Variants in MRPL39 observed in about 807,000 individuals in gnomAD.
MRPL39 encodes the protein mitochondrial ribosomal protein L39.
Under a neutral mutation model 44.5 loss-of-function variants are expected in MRPL39, and 35 were observed. The ratio of observed to expected loss-of-function variants is 0.79; its 90% CI spans 0.60 to 1.04. The LOEUF (loss-of-function observed/expected upper bound fraction) is 1.04, where lower values mean the gene tolerates loss of function less well. MRPL39 is among the 50% of genes least tolerant of loss of function. The probability of loss-of-function intolerance (pLI) is 0.00; values close to 1 mark genes in which losing one functional copy is unlikely to be tolerated. For synonymous variants in MRPL39, 139 were observed against 136.1 expected (o/e 1.02, Z -0.15); for missense variants, 433 against 413.5 (o/e 1.05, Z -0.41).
intron 8 of MRPL39, among the ~76,000 whole-genome samples, chr21:25,591,094 A>C (rs9977681): frequency 0.73 from 106,446 of 146,192 alleles, 39,864 homozygotes; most frequent in Non-Finnish European, 0.82. Context: ...AAAAAAAAAA[A>C]AAAAAAAAAC....
intron 8 of MRPL39, among the ~76,000 whole-genome samples, chr21:25,591,974 T>C (rs933560856): frequency 6.6e-6 from 1 of 152,204 alleles, no homozygotes; most frequent in African/African-American, 2.4e-5. Flanking sequence ...GTAATACTAC[T>C]TAGCAATAAG....
chr21:25,606,441 C>T lies in MRPL39; in HGVS notation c.280+8G>A. The T allele has an allele frequency of 1.9e-6, 3 of 1,581,462 alleles. No homozygotes were observed. In the South Asian group the frequency reaches 3.5e-5, roughly 18 times the overall value. On this transcript the variant is annotated splice_region_variant and intron_variant, in intron 2 of 9. Transcript: ENST00000352957. ...GGGTCAAAACTGTAACCTGATTCTGCTACTTACGCATGGCACAACTGTAGG... is the reference window on the plus strand; with the variant it reads ...GGGTCAAAACTGTAACCTGATTCTGTTACTTACGCATGGCACAACTGTAGG...
In MRPL39 at chr21:25,601,478, A is replaced by T. The variant is rs373581587; in HGVS notation, c.421-11T>A. 86 of 1,525,932 alleles carry T rather than the reference A, an allele frequency of 5.6e-5. No homozygotes were observed. The highest frequency in any genetic ancestry group is 6.9e-5 in the Non-Finnish European group (77 of 1,120,076). The allele number at this position is 1,525,932 out of a possible 1,614,324, so 94.5% of individuals were successfully genotyped here. A position where few individuals can be genotyped will look rare whatever the true frequency, so the allele number is the denominator to read the frequency against. ...GGAACGCCAATATGCCTAGAAAAAA[A>T]ATATACATATATAAAATATATATAA... On this transcript the variant is annotated splice_polypyrimidine_tract_variant and intron_variant, in intron 3 of 9. Transcript: ENST00000352957.
At chr21:25,594,201 A>G (rs1028341324) in intron 6 of MRPL39, among the ~76,000 whole-genome samples, 1 of 138,254 alleles carries the variant, frequency 7.2e-6, no homozygotes, top group Non-Finnish European at 1.6e-5. Context: ...ACCAATGCTC[A>G]CCTCCACTTC....
intron 2 of MRPL39, among the ~76,000 whole-genome samples, chr21:25,604,493 A>T (rs7278967): frequency 0.7 from 106,641 of 151,990 alleles, 38,865 homozygotes; most frequent in Non-Finnish European, 0.82. Flanking sequence ...ATACACACCT[A>T]CAAAAATCAG....
intron 6 of MRPL39, among the ~76,000 whole-genome samples, chr21:25,594,916 C>T (rs1568862479): frequency 6.6e-6 from 1 of 152,194 alleles, no homozygotes. Flanking sequence ...CACCAACCAC[C>T]CAGGTGTCCA....
At position 25,607,479 on chromosome 21, in the gene MRPL39, A is replaced by C. The variant is rs563745591; in HGVS notation, c.-4T>G. 5 of 1,610,940 alleles carry C rather than the reference A, an allele frequency of 3.1e-6. No individual in the cohort carries two copies. The highest frequency in any genetic ancestry group is 4.2e-6 in the Non-Finnish European group (5 of 1,179,874). ...AACCCATGGCCAGCGCCTCCATAGC[A>C]GCGGTGAGAACCGTCGCGCGCAAGT... On this transcript the variant is annotated 5_prime_UTR_variant, in exon 1 of 10. Transcript: ENST00000352957.
intron 2 of MRPL39, among the ~76,000 whole-genome samples, chr21:25,605,871 CT>C (rs2031649194): frequency 6.6e-6 from 1 of 152,118 alleles, no homozygotes; most frequent in Admixed American, 6.5e-5. Context: ...GGGCCAGACC[CT>C]CATCTCTAAA....
At chr21:25,595,428 C>T (rs1232812999) in intron 6 of MRPL39, among the ~76,000 whole-genome samples, 1 of 152,174 alleles carries the variant, frequency 6.6e-6, no homozygotes, top group Non-Finnish European at 1.5e-5. Flanking sequence ...ATCAAGCTTC[C>T]TCCAGAATTA....
chr21:25,599,363 T>C lies in MRPL39; in HGVS notation c.588+436A>G, dbSNP rs562811416. On this transcript the variant is annotated intron_variant, in intron 5 of 9. Transcript: ENST00000352957. ...CCTCACTGTATGCAACAAGTTAAAA[T>C]GGTTTAGGGGAGTGGTTTTCAAATT... is the stretch of plus-strand genomic sequence containing the variant. 2.6e-5 allele frequency among the ~76,000 whole-genome samples: 4 copies of C among 152,336 alleles called. No individual in the cohort carries two copies. The East Asian group carries it at 7.7e-4, about 29-fold the overall frequency.
At chr21:25,590,413 A>G (rs1436086097) in intron 8 of MRPL39, among the ~76,000 whole-genome samples, 1 of 151,930 alleles carries the variant, frequency 6.6e-6, no homozygotes, top group Non-Finnish European at 1.5e-5. Context: ...AGAAAACCTC[A>G]TAATGTTTTA....
intron 2 of MRPL39, among the ~76,000 whole-genome samples, chr21:25,604,208 G>A (rs1363614761): frequency 3.3e-5 from 5 of 151,960 alleles, no homozygotes; most frequent in Admixed American, 6.6e-5. Flanking sequence ...GCAGTGAGCC[G>A]AGATCACGCC....
At chr21:25,604,285 A>G (rs1475840627) in intron 2 of MRPL39, among the ~76,000 whole-genome samples, 2 of 152,124 alleles carry the variant, frequency 1.3e-5, no homozygotes, top group East Asian at 3.9e-4. Context: ...ATAAAATAAT[A>G]CCCAATATAC....
chr21:25,600,864 T>C (rs1319599342), intron 4 of MRPL39, among the ~76,000 whole-genome samples: 1 of 152,144 alleles, frequency 6.6e-6, no homozygotes, highest in Admixed American at 6.5e-5. Flanking sequence ...TCCCAGCACT[T>C]TGGGAGGCCG....
At chr21:25,590,397 A>C (rs995180663) in intron 8 of MRPL39, among the ~76,000 whole-genome samples, 2 of 151,322 alleles carry the variant, frequency 1.3e-5, no homozygotes, top group South Asian at 2.1e-4. Context: ...AAAAAAAAAA[A>C]TCGCAAGAAA....
At chr21:25,597,267 G>A (rs750276768) in intron 6 of MRPL39, 35 bp downstream of exon 6, 1 of 1,320,126 alleles carries the variant, frequency 7.6e-7, no homozygotes, top group Admixed American at 1.9e-5. Flanking sequence ...AATACTGGGA[G>A]AGTTAGCCTT....
chr21:25,605,693 G>GTC (rs2031642648), intron 2 of MRPL39, among the ~76,000 whole-genome samples: 1 of 151,982 alleles, frequency 6.6e-6, no homozygotes, highest in Non-Finnish European at 1.5e-5. Context: ...AGAGCTTGAG[G>GTC]TCAGAAGTTC....
chr21:25,607,657 C>A, upstream of MRPL39: 2 of 649,928 alleles, frequency 3.1e-6, no homozygotes, highest in East Asian at 5.7e-5. Flanking sequence ...GACTCGGAGC[C>A]GGGGCGCGTT....
intron 9 of MRPL39, chr21:25,587,880 T>C: frequency 1.1e-6 from 1 of 894,582 alleles, no homozygotes; most frequent in South Asian, 1.4e-5. Context: ...TAACCAGTGT[T>C]TGTGGCATTG....
Sources: gnomAD v4.1 joint callset for allele counts (sites outside exome capture counted in the v4.1 genomes callset) on GRCh38, gnomAD v4.1.1 for gene constraint, MANE v1.5 for transcripts, NCBI Gene and HGNC (gene_info 2026-07-23, HGNC 2026-07-21) for gene names.